SESTD1: variants seen among roughly 807,000 people sequenced by gnomAD.
SESTD1 encodes the protein SEC14 domain and spectrin repeat-containing protein 1.
Under a neutral mutation model 101.7 loss-of-function variants are expected in SESTD1, and 43 were observed. That is an observed-to-expected ratio of 0.42 (90% CI 0.33 to 0.55). The LOEUF is 0.55. Among genes scored for constraint, SESTD1 ranks in the 20% least tolerant of loss-of-function variants. The pLI, the probability that SESTD1 is intolerant of heterozygous loss-of-function variation, is 0.07. For synonymous variants in SESTD1, 283 were observed against 286.8 expected (o/e 0.99, Z 0.13); for missense variants, 647 against 815.1 (o/e 0.79, Z 2.51).
At chr2:179,234,233 C>G (rs909667012) in intron 1 of SESTD1, among the ~76,000 whole-genome samples, 1 of 152,156 alleles carries the variant, frequency 6.6e-6, no homozygotes, top group African/African-American at 2.4e-5. Flanking sequence ...AGAACATCGG[C>G]TCTCTCTGGG....
rs183240629 is a variant in SESTD1 at position 179,103,479 on chromosome 2, C to T, written c.*6420G>A. ...GAAAACCTATGTTCACAAAGACTTACGTAAGAATGGTCATAGCAGCTTTAT... is the reference window on the plus strand; with the variant it reads ...GAAAACCTATGTTCACAAAGACTTATGTAAGAATGGTCATAGCAGCTTTAT... On this transcript the variant is annotated 3_prime_UTR_variant, in exon 18 of 18. Transcript: ENST00000428443. 5.9e-5 allele frequency: 9 copies of T among 152,118 alleles called. No individual in the cohort carries two copies. The highest frequency in any genetic ancestry group is 3.9e-4 in the East Asian group (2 of 5,176). The allele number at this position is 152,118 out of a possible 1,614,324, so 9.4% of individuals were successfully genotyped here. A position where few individuals can be genotyped will look rare whatever the true frequency, so the allele number is the denominator to read the frequency against.
At chr2:179,197,331 C>G (rs898431304) in intron 1 of SESTD1, among the ~76,000 whole-genome samples, 8 of 151,298 alleles carry the variant, frequency 5.3e-5, no homozygotes, top group Admixed American at 4.6e-4. Flanking sequence ...ATCTACATCT[C>G]ACTGGAGTAC....
intron 10 of SESTD1, among the ~76,000 whole-genome samples, chr2:179,128,529 G>A (rs2044931739): frequency 6.6e-6 from 1 of 152,116 alleles, no homozygotes; most frequent in African/African-American, 2.4e-5. Context: ...AGGAGATGGA[G>A]ACTATCCTGG....
At chr2:179,136,730 A>C (rs533182760) in intron 9 of SESTD1, among the ~76,000 whole-genome samples, 18 of 152,278 alleles carry the variant, frequency 1.2e-4, no homozygotes, top group East Asian at 5.8e-4. Context: ...ATTTTAGAAT[A>C]ATCTAGAAAC....
intron 1 of SESTD1, among the ~76,000 whole-genome samples, chr2:179,249,126 T>C (rs1331992044): frequency 6.9e-6 from 1 of 144,454 alleles, no homozygotes; most frequent in African/African-American, 2.6e-5. Context: ...ATGGCAAGTA[T>C]GTCTACTTTC....
At chr2:179,160,439 A>C (rs1347600976) in intron 5 of SESTD1, among the ~76,000 whole-genome samples, 1 of 151,980 alleles carries the variant, frequency 6.6e-6, no homozygotes, top group East Asian at 1.9e-4. Flanking sequence ...CAAATATTTA[A>C]AAGTACAAAA....
chr2:179,183,454 C>G (rs6742744), intron 2 of SESTD1, among the ~76,000 whole-genome samples: 123,345 of 152,066 alleles, frequency 0.81, 50,169 homozygotes, highest in South Asian at 0.92. Context: ...CATTTACTGT[C>G]CTTAATGTAA....
intron 1 of SESTD1, among the ~76,000 whole-genome samples, chr2:179,200,681 C>T (rs1293618799): frequency 6.8e-6 from 1 of 146,082 alleles, no homozygotes; most frequent in African/African-American, 2.6e-5. Flanking sequence ...AAATGATTCA[C>T]TATTTAATAA....
At chr2:179,186,427 G>A (rs889962046) in intron 2 of SESTD1, among the ~76,000 whole-genome samples, 17 of 152,080 alleles carry the variant, frequency 1.1e-4, no homozygotes, top group African/African-American at 4.1e-4. Context: ...ACAGCAAAGA[G>A]TGAAAACAGA....
chr2:179,197,603 C>T (rs1303782779), intron 1 of SESTD1, among the ~76,000 whole-genome samples: 1 of 152,212 alleles, frequency 6.6e-6, no homozygotes, highest in South Asian at 2.1e-4. Flanking sequence ...AGACTAACAG[C>T]AGATCTCTCT....
intron 16 of SESTD1, among the ~76,000 whole-genome samples, chr2:179,114,302 C>G (rs951878917): frequency 6.6e-6 from 1 of 152,130 alleles, no homozygotes; most frequent in Non-Finnish European, 1.5e-5. Flanking sequence ...TCCTGAGGTT[C>G]CTTGCAACAT....
intron 1 of SESTD1, among the ~76,000 whole-genome samples, chr2:179,237,323 C>A (rs2047083006): frequency 1.3e-5 from 2 of 152,088 alleles, no homozygotes; most frequent in African/African-American, 4.8e-5. Context: ...ATACCCCATT[C>A]TCCTGGTTTT....
At chr2:179,165,336 A>G (rs1264138859) in intron 5 of SESTD1, among the ~76,000 whole-genome samples, 1 of 152,198 alleles carries the variant, frequency 6.6e-6, no homozygotes, top group Non-Finnish European at 1.5e-5. Context: ...TTATCCTCCA[A>G]GATGCAGGGT....
chr2:179,168,497 G>A (rs997883732), intron 5 of SESTD1, among the ~76,000 whole-genome samples: 4 of 151,736 alleles, frequency 2.6e-5, no homozygotes, highest in African/African-American at 9.7e-5. Context: ...TTGTTCACAG[G>A]TCAACGGCAT....
rs1325642256 is a variant in SESTD1 at position 179,233,863 on chromosome 2, G to A, written c.-26+30636C>T. Among the ~76,000 whole-genome samples, 3 of 152,148 alleles carry A rather than the reference G, an allele frequency of 2.0e-5. No homozygotes were observed. The East Asian group carries it at 5.8e-4, about 29-fold the overall frequency. ...ATGTGTGTATGTGTATGCATGCCCT[G>A]GTGTGTGTGCATGTGTGTATGCTTA... On this transcript the variant is annotated intron_variant, in intron 1 of 17. Coordinates refer to ENST00000428443, the MANE Select transcript of SESTD1 (RefSeq NM_178123.5).
chr2:179,245,569 A>G (rs116462586), intron 1 of SESTD1, among the ~76,000 whole-genome samples: 3,220 of 148,484 alleles, frequency 0.022, 123 homozygotes, highest in African/African-American at 0.076. Flanking sequence ...GCACACACCT[A>G]TGGTCCTAGC....
rs2044318539 is a variant in SESTD1 at position 179,103,579 on chromosome 2, G to A, written c.*6320C>T. On this transcript the variant is annotated 3_prime_UTR_variant, in exon 18 of 18. Coordinates refer to ENST00000428443, the MANE Select transcript of SESTD1 (RefSeq NM_178123.5). ...AATTAAGAAAACAAACTGTAATATTGTCATACAGTGGAATACTACTCAGCA... is the reference window on the plus strand; with the variant it reads ...AATTAAGAAAACAAACTGTAATATTATCATACAGTGGAATACTACTCAGCA... The A allele has an allele frequency of 6.6e-6, 1 of 151,998 alleles. No individual in the cohort carries two copies. The highest frequency in any genetic ancestry group is 6.6e-5 in the Admixed American group (1 of 15,242). The allele number at this position is 151,998 out of a possible 1,614,324, so 9.4% of individuals were successfully genotyped here. A position where few individuals can be genotyped will look rare whatever the true frequency, so the allele number is the denominator to read the frequency against.
chr2:179,172,766 T>C (rs1238027091), intron 4 of SESTD1, among the ~76,000 whole-genome samples: 1 of 152,230 alleles, frequency 6.6e-6, no homozygotes, highest in Non-Finnish European at 1.5e-5. Flanking sequence ...CTTGATATGG[T>C]TACTTATACT....
intron 1 of SESTD1, among the ~76,000 whole-genome samples, chr2:179,245,618 C>T (rs1165686807): frequency 6.6e-6 from 1 of 151,100 alleles, no homozygotes; most frequent in East Asian, 2.0e-4. Context: ...CACTCAAGCC[C>T]AGAGGCTGCA....
Sources: allele counts gnomAD v4.1 joint callset (sites outside exome capture counted in the v4.1 genomes callset), GRCh38; gene constraint gnomAD v4.1.1; transcripts MANE v1.5; gene names NCBI Gene and HGNC (gene_info 2026-07-23, HGNC 2026-07-21).